The following SGCE variants were observed in gnomAD, a reference collection of about 807,000 sequenced individuals.
SGCE encodes the protein sarcoglycan epsilon.
SGCE carries 26 observed loss-of-function variants against 57.8 expected under a neutral mutation model. The observed-to-expected ratio is 0.45, with a 90% CI of 0.33 to 0.62. The LOEUF (loss-of-function observed/expected upper bound fraction) is 0.62. Among genes scored for constraint, SGCE ranks in the 20% least tolerant of loss-of-function variants. SGCE has a pLI of 0.02. For synonymous variants in SGCE, 183 were observed against 189.5 expected, an observed-to-expected ratio of 0.97 and a Z score of 0.28; for missense variants, 468 against 548.6, an observed-to-expected ratio of 0.85 and a Z score of 1.47.
chr7:94,620,381 G>A (rs1802567616), intron 4 of SGCE: 1 of 152,012 alleles, frequency 6.6e-6, no homozygotes, highest in Non-Finnish European at 1.5e-5. Context: ...TTACAATTTT[G>A]TTAGATTTCC....
intron 5 of SGCE, among the ~76,000 whole-genome samples, chr7:94,616,472 T>C (rs1053440598): frequency 2.0e-5 from 3 of 152,216 alleles, no homozygotes; most frequent in African/African-American, 7.2e-5. Context: ...ACAAGGGATA[T>C]AATTCCTTTG....
intron 1 of SGCE, among the ~76,000 whole-genome samples, chr7:94,651,329 A>T (rs916696315): frequency 6.6e-6 from 1 of 152,246 alleles, no homozygotes; most frequent in African/African-American, 2.4e-5. Context: ...TTTTAAAGCA[A>T]GCCTCTTAGA....
intron 1 of SGCE, among the ~76,000 whole-genome samples, chr7:94,632,086 A>G (rs1562872299): frequency 6.6e-6 from 1 of 152,148 alleles, no homozygotes; most frequent in South Asian, 2.1e-4. Context: ...AAATATATAT[A>G]ATACTTAGAG....
intron 1 of SGCE, among the ~76,000 whole-genome samples, chr7:94,646,438 G>A (rs1398497216): frequency 2.6e-5 from 4 of 152,124 alleles, no homozygotes; most frequent in African/African-American, 9.7e-5. Context: ...ATAAGTCTGG[G>A]TTTCCACTCA....
intron 1 of SGCE, among the ~76,000 whole-genome samples, chr7:94,633,067 G>A (rs573063300): frequency 6.6e-6 from 1 of 151,990 alleles, no homozygotes; most frequent in Non-Finnish European, 1.5e-5. Flanking sequence ...AAATATACAT[G>A]TGTACAGTGC....
intron 3 of SGCE, chr7:94,623,904 T>TA (rs1307846198): frequency 2.8e-6 from 1 of 361,004 alleles, no homozygotes; most frequent in Non-Finnish European, 4.9e-6. Context: ...ATATCTCACT[T>TA]ACGATGGGAG....
chr7:94,611,581 C>T (rs1213749676), intron 5 of SGCE, among the ~76,000 whole-genome samples: 2 of 152,088 alleles, frequency 1.3e-5, no homozygotes, highest in African/African-American at 2.4e-5. Context: ...ATAATGATTG[C>T]ATGACTGTGA....
intron 1 of SGCE, 57 bp downstream of exon 1, chr7:94,655,932 AG>A: frequency 1.8e-6 from 2 of 1,106,354 alleles, no homozygotes; most frequent in Non-Finnish European, 1.4e-6. Context: ...CGAGCGGGGG[AG>A]GGGGAGGCGG....
In SGCE at chr7:94,600,501, G is replaced by T. The variant is rs1799036291; in HGVS notation, c.1037+145C>A. 3.5e-5 allele frequency: 22 copies of T among 635,056 alleles called. No homozygotes were observed. The South Asian group carries it at 4.0e-4, about 11-fold the overall frequency. 39.3% of individuals were successfully genotyped at this position (635,056 alleles called of 1,614,324 possible). A position where few individuals can be genotyped will look rare whatever the true frequency, so the allele number is the denominator to read the frequency against. On this transcript the variant is annotated intron_variant, in intron 7 of 10. Coordinates refer to ENST00000648936, the MANE Select transcript of SGCE (RefSeq NM_003919.3). ...CAAAACTATTTTAATTCATTTTAAA[G>T]GAATAAAGTATTGCAGTTTGGACAC...
At chr7:94,653,541 ATTTGGT>A (rs952944290) in intron 1 of SGCE, among the ~76,000 whole-genome samples, 6 of 152,080 alleles carry the variant, frequency 3.9e-5, no homozygotes, top group Non-Finnish European at 7.4e-5. Flanking sequence ...TTATCTATTA[ATTTGGT>A]TTTGGTTTTG....
At chr7:94,594,267 T>A (rs1182538244) in intron 9 of SGCE, among the ~76,000 whole-genome samples, 1 of 152,116 alleles carries the variant, frequency 6.6e-6, no homozygotes, top group East Asian at 1.9e-4. Context: ...TACTTTACAA[T>A]GTGATTTCCA....
Position 94,585,256 on chromosome 7 carries a change from T to A in SGCE, c.*243A>T, listed in dbSNP as rs1796749477. The A allele has an allele frequency of 2.2e-6, 1 of 448,670 alleles. No homozygotes were observed. The allele number at this position is 448,670 out of a possible 1,614,324, so 27.8% of individuals were successfully genotyped here. ...TCATTAATAATATTTATTTTAAAGA[T>A]CAACTTTTATTGTAACAAATATAAA... On this transcript the variant is annotated 3_prime_UTR_variant, in exon 11 of 11. Coordinates refer to ENST00000648936, the MANE Select transcript of SGCE (RefSeq NM_003919.3).
chr7:94,652,845 TG>T lies in SGCE; in HGVS notation c.109+3144del, dbSNP rs1285009726. On this transcript the variant is annotated intron_variant, in intron 1 of 10. Coordinates refer to ENST00000648936, the MANE Select transcript of SGCE (RefSeq NM_003919.3). ...TACCAGAACTTAAGCCAAATACAGG[TG>T]GTAAGTCAGCAGGTTCGTAAATCCA... is the stretch of plus-strand genomic sequence containing the variant. Among the ~76,000 whole-genome samples, 5 of 152,092 alleles carry T rather than the reference TG, an allele frequency of 3.3e-5. No individual in the cohort carries two copies. In the South Asian group the frequency reaches 6.2e-4, roughly 19 times the overall value.
intron 1 of SGCE, among the ~76,000 whole-genome samples, chr7:94,648,112 C>T (rs1402823136): frequency 6.6e-6 from 1 of 152,040 alleles, no homozygotes; most frequent in Non-Finnish European, 1.5e-5. Flanking sequence ...GTGGCTCACA[C>T]CTGTAATCCC....
At chr7:94,587,485 C>T in intron 10 of SGCE, 5 of 1,265,542 alleles carry the variant, frequency 4.0e-6, no homozygotes, top group Non-Finnish European at 4.9e-6. Flanking sequence ...TCTATCATTT[C>T]TATCGTAGAA....
intron 5 of SGCE, among the ~76,000 whole-genome samples, chr7:94,611,434 G>C (rs1039068835): frequency 7.1e-6 from 1 of 140,320 alleles, no homozygotes; most frequent in Non-Finnish European, 1.5e-5. Flanking sequence ...AAAATGTCCA[G>C]AATAGGCACA....
chr7:94,598,689 CACA>C (rs1331874870), intron 9 of SGCE, 83 bp downstream of exon 9: 4 of 975,282 alleles, frequency 4.1e-6, no homozygotes, highest in Middle Eastern at 2.0e-4. Flanking sequence ...AACAAACAAA[CACA>C]ACAACAGAAA....
intron 1 of SGCE, among the ~76,000 whole-genome samples, chr7:94,650,129 A>C (rs1228389967): frequency 6.6e-6 from 1 of 152,246 alleles, no homozygotes; most frequent in African/African-American, 2.4e-5. Context: ...GCCAGGCAGA[A>C]ACCAGGCTAA....
chr7:94,639,424 C>T (rs1312811903), intron 1 of SGCE: 8 of 1,533,274 alleles, frequency 5.2e-6, no homozygotes, highest in Non-Finnish European at 7.0e-6. Flanking sequence ...TCCATTTATG[C>T]CATCAGCACA....
Sources: gnomAD v4.1 joint callset for allele counts (sites outside exome capture counted in the v4.1 genomes callset) on GRCh38, gnomAD v4.1.1 for gene constraint, MANE v1.5 for transcripts, NCBI Gene and HGNC (gene_info 2026-07-23, HGNC 2026-07-21) for gene names.